NOTCH1: variants seen among roughly 807,000 people sequenced by gnomAD.
NOTCH1 encodes the protein neurogenic locus notch homolog protein 1.
In NOTCH1, 37 loss-of-function variants were observed where a neutral mutation model predicts 254.8. The observed-to-expected ratio is 0.15, with a 90% CI of 0.11 to 0.19. The LOEUF (loss-of-function observed/expected upper bound fraction) is 0.19, where lower values mean the gene tolerates loss of function less well. NOTCH1 is among the 10% of genes least tolerant of loss of function. NOTCH1 has a pLI of 1.00. For synonymous variants in NOTCH1, 1,731 were observed against 1,618.1 expected, an observed-to-expected ratio of 1.07 and a Z score of -1.68; for missense variants, 2,972 against 3,708.6, an observed-to-expected ratio of 0.80 and a Z score of 5.16.
chr9:136,505,816 G>A lies in NOTCH1; in HGVS notation c.4080C>T (p.Gly1360=), dbSNP rs745455844. The A allele has an allele frequency of 2.3e-5, 36 of 1,591,214 alleles. No homozygotes were observed. Among genetic ancestry groups the A allele is most frequent in the Middle Eastern group, 1.7e-4 (1 of 5,976 alleles). Residue 1360 remains glycine (G), a synonymous_variant, in exon 25 of 34, where the codon GGC becomes GGT. Coordinates refer to ENST00000651671, the MANE Select transcript of NOTCH1 (RefSeq NM_017617.5). ...TGCGCGGGCCGGAGATGCATGTGCCGCCGTTGAGGCAGCGCAGGCTGCCGC... is the reference window on the plus strand; with the variant it reads ...TGCGCGGGCCGGAGATGCATGTGCCACCGTTGAGGCAGCGCAGGCTGCCGC... ...RTCGSLRCLN[G]GTCISGPRSP...
rs1842985013 is a variant in NOTCH1 at position 136,500,890 on chromosome 9, C to T, written c.5639-43G>A. On this transcript the variant is annotated intron_variant, in intron 30 of 33. Transcript: ENST00000651671. ...GGTGCTCAGTCTGGAGGGCCGGTCC[C>T]CAGCTGCAGCCCAGGGGGAGGGGGG... 1.0e-5 allele frequency: 16 copies of T among 1,536,876 alleles called. 1 individual carries two copies. In the African/African-American group the frequency reaches 1.4e-4, roughly 13 times the overall value.
rs773314373 is a variant in NOTCH1 at position 136,540,285 on chromosome 9, A to G, written c.140+3739T>C. Among the ~76,000 whole-genome samples the G allele has an allele frequency of 9.9e-5, 15 of 152,198 alleles. No homozygotes were observed. Among genetic ancestry groups the G allele is most frequent in the Non-Finnish European group, 2.1e-4 (14 of 68,036 alleles). On this transcript the variant is annotated intron_variant, in intron 2 of 33. Transcript: ENST00000651671. This position sits in a 1 kb window ranked among gnomAD's most constrained non-coding sequence, Gnocchi z 4.4. The stretch of plus-strand genomic sequence containing the variant: ...CCCCACCGGGGGCCTGGCCTGGAGC[A>G]GAACGCAGCACACAGCAGGCGCTCA...
chr9:136,515,867 C>G, intron 10 of NOTCH1, 114 bp downstream of exon 10: 1 of 1,144,064 alleles, frequency 8.7e-7, no homozygotes, highest in East Asian at 2.6e-5. Flanking sequence ...GCTGTGCTCT[C>G]GGCCTCTGGA....
At chr9:136,519,391 G>A (rs1843330514) in intron 5 of NOTCH1, 52 bp downstream of exon 5, 3 of 1,607,754 alleles carry the variant, frequency 1.9e-6, no homozygotes, top group Non-Finnish European at 2.5e-6. Flanking sequence ...TTTAGTAAGT[G>A]GGTAGCAGCC....
chr9:136,512,859 G>A (rs376068212), intron 15 of NOTCH1, among the ~76,000 whole-genome samples, 162 bp downstream of exon 15: 66 of 151,868 alleles, frequency 4.3e-4, no homozygotes, highest in Middle Eastern at 3.4e-3. Flanking sequence ...GGAAGGCCCC[G>A]CCCCAAGAAA....
Position 136,507,358 on chromosome 9 carries a change from G to A in NOTCH1, c.3590C>T (p.Thr1197Ile). The A allele has an allele frequency of 6.2e-7, 1 of 1,612,938 alleles. No homozygotes were observed. Among genetic ancestry groups the A allele is most frequent in the Non-Finnish European group, 8.5e-7 (1 of 1,179,928 alleles). Residue 1197 changes from threonine to isoleucine, a missense_variant, in exon 22 of 34, where the codon ACC becomes ATC. By Grantham distance (89) the Thr-to-Ile change is moderately conservative. Coordinates refer to ENST00000651671, the MANE Select transcript of NOTCH1 (RefSeq NM_017617.5). ...CLSHPCQNGG[T>I]CLDLPNTYKC... is the part of the protein sequence containing the mutation. ...GTAGGTGTTGGGGAGGTCGAGGCAG[G>A]TGCCCCCGTTCTGGCAGGGGTGGGA...
At chr9:136,525,333 C>G (rs893584606) in intron 2 of NOTCH1, among the ~76,000 whole-genome samples, 2 of 152,244 alleles carry the variant, frequency 1.3e-5, no homozygotes, top group African/African-American at 2.4e-5. Context: ...AGCCTGCCCC[C>G]CCCAGCCACC....
rs377342874 is a variant in NOTCH1, at chr9:136,517,921, C to T, written c.1272G>A (p.Glu424=). ...DECSLGANPC[E]HAGKCINTLG... is the part of the protein sequence containing the mutation. ...GCGTGTTGATGCACTTGCCCGCATGCTCGCAGGGGTTGGCACCTGGCGAGG... is the reference window on the plus strand; with the variant it reads ...GCGTGTTGATGCACTTGCCCGCATGTTCGCAGGGGTTGGCACCTGGCGAGG... Residue 424 remains glutamate (E), a synonymous_variant, in exon 8 of 34, where the codon GAG becomes GAA. Transcript: ENST00000651671. The T allele has an allele frequency of 2.1e-5, 34 of 1,611,336 alleles. No homozygotes were observed. The highest frequency in any genetic ancestry group is 6.7e-5 in the East Asian group (3 of 44,866).
rs1401154969 is a variant in NOTCH1, at chr9:136,496,225, G to A, written c.7514C>T (p.Pro2505Leu). The A allele has an allele frequency of 6.2e-7, 1 of 1,607,664 alleles. No individual in the cohort carries two copies. Among genetic ancestry groups the A allele is most frequent in the Non-Finnish European group, 8.5e-7 (1 of 1,177,344 alleles). The part of the protein sequence containing the change: ...DNTPSHQLQV[P>L]EHPFLTPSPE... ...GGACGGGGTGAGGAAGGGGTGCTCA[G>A]GCACCTGTAGCTGGTGGCTGGGGGT... Residue 2505 changes from proline to leucine, a missense_variant, in exon 34 of 34, where the codon CCT (proline) becomes CTT (leucine). Coordinates refer to ENST00000651671, the MANE Select transcript of NOTCH1 (RefSeq NM_017617.5).
At chr9:136,530,926 G>C (rs73668317) in intron 2 of NOTCH1, among the ~76,000 whole-genome samples, 1 of 152,210 alleles carries the variant, frequency 6.6e-6, no homozygotes, top group South Asian at 2.1e-4. Context: ...GCTGCGCTCC[G>C]GGCCAGCGCC....
At position 136,506,724 on chromosome 9, in the gene NOTCH1, C is replaced by G. The variant is rs760966826; in HGVS notation, c.3893G>C (p.Gly1298Ala). The change falls in exon 23 of 34, where the codon GGT becomes GCT. Residue 1298 changes from glycine to alanine, a missense_variant. This residue lies in a region of NOTCH1 where 1,343 missense variants were observed against 1,557.0 expected (regional missense o/e 0.86). Coordinates refer to ENST00000651671, the MANE Select transcript of NOTCH1 (RefSeq NM_017617.5). The surrounding 1 kb of genome is among the most constrained non-coding windows in gnomAD (Gnocchi z 4.5). ...VNDFHCECRA[G>A]HTGRRCESVI... is the part of the protein sequence containing the mutation. ...CTGGGCGCGGCACCCACCGGTGTGA[C>G]CAGCACGGCACTCGCAGTGGAAGTC... The G allele has an allele frequency of 6.3e-7, 1 of 1,599,568 alleles. No individual in the cohort carries two copies. Among genetic ancestry groups the G allele is most frequent in the South Asian group, 1.1e-5 (1 of 89,256 alleles).
intron 1 of NOTCH1, 47 bp from the exon 2 acceptor site, chr9:136,544,149 C>G: frequency 6.6e-7 from 1 of 1,511,392 alleles, no homozygotes; most frequent in Non-Finnish European, 9.0e-7. Context: ...CGCACCACCA[C>G]CACCGAAGGC....
chr9:136,502,632 C>G (rs763875476), intron 27 of NOTCH1, 144 bp from the exon 28 acceptor site: 119 of 579,446 alleles, frequency 2.1e-4, no homozygotes, highest in Non-Finnish European at 3.4e-4. Context: ...AAAATAAGGT[C>G]ATTTTCTACG....
In NOTCH1 at chr9:136,496,069, G is replaced by A. The variant is rs371575191; in HGVS notation, c.*2C>T. The A allele has an allele frequency of 1.8e-4, 290 of 1,599,430 alleles. No individual in the cohort carries two copies. Among genetic ancestry groups the A allele is most frequent in the Non-Finnish European group, 2.4e-4 (280 of 1,178,096 alleles). ...AAGCCGGGGTCTCGTGGGGCGCGCC[G>A]TTTACTTGAAGGCCTCCGGAATGCG... is the stretch of plus-strand genomic sequence containing the variant. On this transcript the variant is annotated 3_prime_UTR_variant, in exon 34 of 34. Coordinates refer to ENST00000651671, the MANE Select transcript of NOTCH1 (RefSeq NM_017617.5).
In NOTCH1 at chr9:136,507,363, C is replaced by T. The variant is rs1843105001; in HGVS notation, c.3585G>A (p.Gly1195=). ...DECLSHPCQN[G]GTCLDLPNTY... ...TGTTGGGGAGGTCGAGGCAGGTGCC[C>T]CCGTTCTGGCAGGGGTGGGAGAGGC... The change falls in exon 22 of 34, where the codon GGG becomes GGA. Residue 1195 remains glycine, a synonymous_variant. Coordinates refer to ENST00000651671, the MANE Select transcript of NOTCH1 (RefSeq NM_017617.5). The T allele has an allele frequency of 6.2e-7, 1 of 1,612,786 alleles. No homozygotes were observed. The highest frequency in any genetic ancestry group is 2.2e-5 in the East Asian group (1 of 44,860).
chr9:136,541,313 G>A (rs546945598), intron 2 of NOTCH1, among the ~76,000 whole-genome samples: 6 of 152,294 alleles, frequency 3.9e-5, no homozygotes, highest in Middle Eastern at 3.4e-3. Flanking sequence ...GGCAGCTTCC[G>A]GTGAAGGTTC....
intron 21 of NOTCH1, among the ~76,000 whole-genome samples, chr9:136,507,653 TG>T (rs1019427034): frequency 4.8e-4 from 73 of 152,182 alleles, no homozygotes; most frequent in African/African-American, 1.8e-3. Flanking sequence ...TGGGGGTGGG[TG>T]GACCCCGTCC....
At chr9:136,510,309 T>C (rs1264312916) in intron 17 of NOTCH1, among the ~76,000 whole-genome samples, 1 of 152,118 alleles carries the variant, frequency 6.6e-6, no homozygotes, top group Admixed American at 6.5e-5. Context: ...CCTCAACCTC[T>C]GTGAAGCAGG....
chr9:136,514,581 G>T lies in NOTCH1; in HGVS notation c.2136C>A (p.Thr712=), dbSNP rs369346436. Residue 712 remains threonine, a synonymous_variant, in exon 13 of 34, where the codon ACC becomes ACA. Transcript: ENST00000651671. ...TGCACTCATTGACCTCAGACAGGCAGGTGGGGTCGTGGTAGCCCTCGGGGC... is the reference window on the plus strand; with the variant it reads ...TGCACTCATTGACCTCAGACAGGCATGTGGGGTCGTGGTAGCCCTCGGGGC... ...CRCPEGYHDP[T]CLSEVNECNS... The T allele has an allele frequency of 5.0e-4, 805 of 1,608,252 alleles. 5 individuals are homozygous for T. Among genetic ancestry groups the T allele is most frequent in the Middle Eastern group, 1.7e-4 (1 of 6,052 alleles).
Sources: allele counts gnomAD v4.1 joint callset (sites outside exome capture counted in the v4.1 genomes callset), GRCh38; gene constraint gnomAD v4.1.1; regional missense constraint gnomAD v4.1.1; non-coding constraint Gnocchi (gnomAD v3.1); transcripts MANE v1.5; gene names NCBI Gene and HGNC (gene_info 2026-07-23, HGNC 2026-07-21).